SPATA17: variants seen among roughly 807,000 people sequenced by gnomAD.
The protein encoded by SPATA17 is spermatogenesis associated 17, also known as spermatogenesis-associated protein 17.
SPATA17 carries 53 observed loss-of-function variants against 62.2 expected under a neutral mutation model. The observed-to-expected ratio is 0.85, with a 90% CI of 0.68 to 1.07. The LOEUF is 1.07. SPATA17 is among the 50% of genes least tolerant of loss of function. The probability of loss-of-function intolerance (pLI) is 0.00; values close to 1 mark genes in which losing one functional copy is unlikely to be tolerated. For missense variants in SPATA17, 466 were observed against 425.5 expected, an observed-to-expected ratio of 1.10 and a Z score of -0.84; for synonymous variants, 146 against 146.8, an observed-to-expected ratio of 0.99 and a Z score of 0.04.
intron 9 of SPATA17, among the ~76,000 whole-genome samples, chr1:217,806,809 C>T (rs1444481358): frequency 6.6e-6 from 1 of 152,138 alleles, no homozygotes; most frequent in Non-Finnish European, 1.5e-5. Context: ...TAATCACCTT[C>T]TTAAAAGCTC....
At chr1:217,793,750 G>A (rs943385380) in intron 8 of SPATA17, among the ~76,000 whole-genome samples, 1 of 152,082 alleles carries the variant, frequency 6.6e-6, no homozygotes, top group Admixed American at 6.6e-5. Context: ...AACCAGGAGC[G>A]ATTGTGCAAA....
chr1:217,749,981 CTCTCTA>C (rs1262289530), intron 6 of SPATA17, among the ~76,000 whole-genome samples: 35 of 27,018 alleles, frequency 1.3e-3, no homozygotes, highest in Non-Finnish European at 2.4e-3. Context: ...CTCTCTCTCT[CTCTCTA>C]TATATATATA....
intron 9 of SPATA17, among the ~76,000 whole-genome samples, chr1:217,829,272 T>A (rs1220422825): frequency 6.6e-6 from 1 of 151,996 alleles, no homozygotes; most frequent in Non-Finnish European, 1.5e-5. Flanking sequence ...AAGAAAAAGA[T>A]CCTGCCATTT....
chr1:217,715,357 T>G (rs1285116542), intron 5 of SPATA17, among the ~76,000 whole-genome samples: 1 of 152,230 alleles, frequency 6.6e-6, no homozygotes, highest in Non-Finnish European at 1.5e-5. Context: ...AATTGACCTT[T>G]CAGAATTTTG....
intron 1 of SPATA17, among the ~76,000 whole-genome samples, chr1:217,642,445 G>T (rs535745652): frequency 6.6e-6 from 1 of 152,096 alleles, no homozygotes; most frequent in Non-Finnish European, 1.5e-5. Context: ...TCTTCCTTCT[G>T]TGTCCTCATT....
intron 5 of SPATA17, among the ~76,000 whole-genome samples, chr1:217,685,731 G>A (rs765358442): frequency 3.9e-5 from 6 of 152,052 alleles, no homozygotes; most frequent in Non-Finnish European, 8.8e-5. Context: ...AATTATATGA[G>A]TATTTTATAT....
chr1:217,813,487 T>C (rs898064800), intron 9 of SPATA17, among the ~76,000 whole-genome samples: 1 of 152,212 alleles, frequency 6.6e-6, no homozygotes, highest in Non-Finnish European at 1.5e-5. Flanking sequence ...TTTCCATACA[T>C]GCTGATTGAT....
chr1:217,727,147 T>C (rs1274516103), intron 5 of SPATA17, among the ~76,000 whole-genome samples: 1 of 151,812 alleles, frequency 6.6e-6, no homozygotes, highest in Non-Finnish European at 1.5e-5. Flanking sequence ...CTCGGGAGGC[T>C]GAGGCAGGAG....
rs575068176 is a variant in SPATA17 at position 217,701,165 on chromosome 1, G to A, written c.395+17804G>A. 2.6e-5 allele frequency among the ~76,000 whole-genome samples: 4 copies of A among 151,264 alleles called. No individual in the cohort carries two copies. The South Asian group carries it at 8.4e-4, about 32-fold the overall frequency. The stretch of plus-strand genomic sequence containing the variant: ...AGTTTTTGTATTTTTTGTGGAGATG[G>A]GGTTTCACCATGTTGGCCAGGCTGG... On this transcript the variant is annotated intron_variant, in intron 5 of 10. Transcript: ENST00000366933.
In SPATA17 at chr1:217,667,786, TTAAAG is replaced by T. The variant is rs541685399; in HGVS notation, c.241-1242_241-1238del. Among the ~76,000 whole-genome samples, 1,374 of 152,348 alleles carry T rather than the reference TTAAAG, an allele frequency of 9.0e-3. 11 individuals carry two copies. Among genetic ancestry groups the T allele is most frequent in the Non-Finnish European group, 0.012 (834 of 68,036 alleles). On this transcript the variant is annotated intron_variant, in intron 3 of 10. Transcript: ENST00000366933. ...CAATATGATGTCAAGAAGTACACTA[TTAAAG>T]TAAATATTTTAAATCACCTCAAACA...
intron 9 of SPATA17, among the ~76,000 whole-genome samples, chr1:217,817,695 C>T (rs139521536): frequency 9.9e-5 from 15 of 152,124 alleles, no homozygotes; most frequent in African/African-American, 2.4e-4. Flanking sequence ...ATTTACCTTA[C>T]GTGGTTTCAA....
intron 4 of SPATA17, among the ~76,000 whole-genome samples, chr1:217,680,922 TAAAAAA>T (rs71166016): frequency 1.7e-5 from 1 of 58,150 alleles, no homozygotes; most frequent in Non-Finnish European, 3.1e-5. Flanking sequence ...GAGACTCTGT[TAAAAAA>T]AAAAAAAAAA....
At chr1:217,685,051 A>G (rs1671186411) in intron 5 of SPATA17, among the ~76,000 whole-genome samples, 1 of 111,306 alleles carries the variant, frequency 9.0e-6, no homozygotes, top group Admixed American at 8.0e-5. Flanking sequence ...GAAACGTATA[A>G]AATTCTAAAG....
intron 5 of SPATA17, among the ~76,000 whole-genome samples, chr1:217,704,996 G>C (rs994556658): frequency 2.6e-5 from 4 of 152,114 alleles, no homozygotes; most frequent in Non-Finnish European, 5.9e-5. Context: ...TTCCAAAAAG[G>C]CTCAACTAAT....
intron 6 of SPATA17, among the ~76,000 whole-genome samples, chr1:217,746,897 G>A (rs1293111597): frequency 1.3e-5 from 2 of 151,938 alleles, no homozygotes; most frequent in East Asian, 3.9e-4. Context: ...GCTGAATATG[G>A]TACCTTATTT....
At chr1:217,722,818 T>C (rs908002482) in intron 5 of SPATA17, among the ~76,000 whole-genome samples, 1 of 152,190 alleles carries the variant, frequency 6.6e-6, no homozygotes, top group Non-Finnish European at 1.5e-5. Context: ...TGATCTTTGG[T>C]CTGCAAGGTA....
At position 217,744,462 on chromosome 1, in the gene SPATA17, CAAAAAAAAAA is replaced by C. The variant is rs766645844; in HGVS notation, c.519+2378_519+2387del. On this transcript the variant is annotated intron_variant, in intron 6 of 10. Transcript: ENST00000366933. ...TGGGCGACAGAGCGAGACTCCGTCT[CAAAAAAAAAA>C]AAAAAAAAAAAAAGAATTTTCACAA... Among the ~76,000 whole-genome samples the C allele has an allele frequency of 2.0e-4, 6 of 30,612 alleles. 1 individual carries two copies. The South Asian group carries it at 5.0e-3, about 25-fold the overall frequency. The allele number at this position is 30,612 out of a possible 152,430, so 20.1% of individuals were successfully genotyped here. A position where few individuals can be genotyped will look rare whatever the true frequency, so the allele number is the denominator to read the frequency against.
At chr1:217,848,420 A>G (rs1675574971) in intron 9 of SPATA17, among the ~76,000 whole-genome samples, 1 of 152,146 alleles carries the variant, frequency 6.6e-6, no homozygotes. Context: ...TGAGTAAGCA[A>G]ATATTCAGCT....
At chr1:217,754,125 G>A (rs1280908691) in intron 6 of SPATA17, among the ~76,000 whole-genome samples, 1 of 152,020 alleles carries the variant, frequency 6.6e-6, no homozygotes, top group East Asian at 1.9e-4. Context: ...CCAGCTACTT[G>A]GGAGGCTGAG....
Sources: gnomAD v4.1 joint callset for allele counts (sites outside exome capture counted in the v4.1 genomes callset) on GRCh38, gnomAD v4.1.1 for gene constraint, MANE v1.5 for transcripts, NCBI Gene and HGNC (gene_info 2026-07-23, HGNC 2026-07-21) for gene names.